MAML3: variants seen among roughly 807,000 people sequenced by gnomAD.
The protein encoded by MAML3 is mastermind-like protein 3.
In MAML3, 27 loss-of-function variants were observed where a neutral mutation model predicts 101.9. The observed-to-expected ratio is 0.27, with a 90% confidence interval of 0.20 to 0.37. The LOEUF is 0.37. Among genes scored for constraint, MAML3 ranks in the 10% least tolerant of loss-of-function variants. The pLI, the probability that MAML3 is intolerant of heterozygous loss-of-function variation, is 1.00. For missense variants in MAML3, 1,316 were observed against 1,444.9 expected (o/e 0.91, Z 1.45); for synonymous variants, 501 against 555.9 (o/e 0.90, Z 1.39).
intron 1 of MAML3, among the ~76,000 whole-genome samples, chr4:139,947,703 T>C (rs1733754068): frequency 6.6e-6 from 1 of 152,182 alleles, no homozygotes; most frequent in Non-Finnish European, 1.5e-5. Context: ...TGGAGCAAGT[T>C]AATCTCTCTA....
intron 1 of MAML3, among the ~76,000 whole-genome samples, chr4:140,056,183 CTGCAGGGGGA>C (rs1727345613): frequency 6.6e-6 from 1 of 152,156 alleles, no homozygotes; most frequent in Non-Finnish European, 1.5e-5. Context: ...ATGGCTCCTG[CTGCAGGGGGA>C]ATTCCCTTTA....
chr4:139,926,442 T>C (rs1733260318), intron 1 of MAML3, among the ~76,000 whole-genome samples: 1 of 151,996 alleles, frequency 6.6e-6, no homozygotes, highest in African/African-American at 2.4e-5. Context: ...CTACTAAAAA[T>C]ACAAAAAATT....
chr4:139,897,234 T>C (rs1234180756), intron 1 of MAML3, among the ~76,000 whole-genome samples: 1 of 152,210 alleles, frequency 6.6e-6, no homozygotes, highest in Non-Finnish European at 1.5e-5. Context: ...CTGCTCCCAA[T>C]GATTCTAAAA....
At chr4:139,882,946 T>C (rs1180067817) in intron 2 of MAML3, among the ~76,000 whole-genome samples, 1 of 152,178 alleles carries the variant, frequency 6.6e-6, no homozygotes, top group Non-Finnish European at 1.5e-5. Flanking sequence ...AAAGACAGTC[T>C]CAAAAATTGG....
intron 1 of MAML3, among the ~76,000 whole-genome samples, chr4:140,056,290 C>T (rs2110930057): frequency 6.6e-6 from 1 of 152,158 alleles, no homozygotes; most frequent in Non-Finnish European, 1.5e-5. Flanking sequence ...GACATCTGTT[C>T]TAAAAAGCAC....
intron 4 of MAML3, among the ~76,000 whole-genome samples, chr4:139,723,119 G>A (rs1421812203): frequency 3.3e-5 from 5 of 152,208 alleles, no homozygotes; most frequent in East Asian, 1.9e-4. Flanking sequence ...ATATGAGTGC[G>A]AAATAATTTG....
intron 2 of MAML3, among the ~76,000 whole-genome samples, chr4:139,774,834 T>C (rs748844331): frequency 1.3e-5 from 2 of 152,222 alleles, no homozygotes; most frequent in Admixed American, 6.5e-5. Flanking sequence ...ATCTCCACAC[T>C]GCAAAGTTGG....
intron 1 of MAML3, among the ~76,000 whole-genome samples, chr4:139,964,850 C>T (rs1446859698): frequency 6.6e-6 from 1 of 152,090 alleles, no homozygotes; most frequent in African/African-American, 2.4e-5. Flanking sequence ...TAGCTAACAA[C>T]CAGCTCTCCA....
At chr4:139,857,609 AAGG>A (rs1339668643) in intron 2 of MAML3, among the ~76,000 whole-genome samples, 1 of 152,190 alleles carries the variant, frequency 6.6e-6, no homozygotes, top group Non-Finnish European at 1.5e-5. Flanking sequence ...CTCCAGTGAC[AAGG>A]ACTTCATTTC....
intron 1 of MAML3, among the ~76,000 whole-genome samples, chr4:139,925,146 AT>A (rs1482513318): frequency 6.6e-6 from 1 of 152,142 alleles, no homozygotes. Flanking sequence ...TTCCTTTTTC[AT>A]TAACCATCCC....
chr4:140,005,736 G>C (rs1726431719), intron 1 of MAML3, among the ~76,000 whole-genome samples: 1 of 152,162 alleles, frequency 6.6e-6, no homozygotes, highest in South Asian at 2.1e-4. Flanking sequence ...AACATTCACA[G>C]GGAGCTAGGC....
At chr4:139,952,360 T>C (rs1269965026) in intron 1 of MAML3, among the ~76,000 whole-genome samples, 1 of 152,020 alleles carries the variant, frequency 6.6e-6, no homozygotes, top group African/African-American at 2.4e-5. Flanking sequence ...TCCAGAGATA[T>C]GCAGTGGGGC....
intron 1 of MAML3, among the ~76,000 whole-genome samples, chr4:140,142,753 T>G (rs1728996779): frequency 6.6e-6 from 1 of 152,180 alleles, no homozygotes; most frequent in South Asian, 2.1e-4. Context: ...CACCTCCAGG[T>G]CTTCCAGCTG....
intron 1 of MAML3, among the ~76,000 whole-genome samples, chr4:140,150,155 A>T (rs1578711008): frequency 1.3e-5 from 2 of 151,894 alleles, no homozygotes; most frequent in East Asian, 3.9e-4. Context: ...AATGACAGAA[A>T]ATTTTATTTT....
chr4:139,992,609 T>C (rs886631117), intron 1 of MAML3, among the ~76,000 whole-genome samples: 28 of 152,210 alleles, frequency 1.8e-4, no homozygotes, highest in Admixed American at 1.8e-3. Context: ...CACTGCAACC[T>C]CTGCCTCCTG....
chr4:140,066,958 C>A (rs1727546673), intron 1 of MAML3, among the ~76,000 whole-genome samples: 1 of 152,224 alleles, frequency 6.6e-6, no homozygotes, highest in African/African-American at 2.4e-5. Flanking sequence ...TATTTTTAAT[C>A]TCAAAGGTTT....
intron 1 of MAML3, among the ~76,000 whole-genome samples, chr4:139,986,652 A>T (rs971043465): frequency 2.7e-5 from 4 of 149,336 alleles, no homozygotes; most frequent in African/African-American, 1.0e-4. Context: ...ACCAATGCCA[A>T]TGAATCATGA....
rs3081944 is a variant in MAML3 at position 140,045,394 on chromosome 4, C to CA, written c.468+107465dup. Among the ~76,000 whole-genome samples the CA allele has an allele frequency of 1.8e-3, 178 of 98,636 alleles. 1 individual carries two copies. Among genetic ancestry groups the CA allele is most frequent in the African/African-American group, 3.7e-3 (90 of 24,078 alleles). 64.7% of individuals were successfully genotyped at this position (98,636 alleles called of 152,430 possible). A position where few individuals can be genotyped will look rare whatever the true frequency, so the allele number is the denominator to read the frequency against. On this transcript the variant is annotated intron_variant, in intron 1 of 4. Coordinates refer to ENST00000509479, the MANE Select transcript of MAML3 (RefSeq NM_018717.5). ...TGGGCGACAGAGCAAGACTCCAACT[C>CA]AAAAAAAAAAAAAAAAAAAGAATCT... is the stretch of plus-strand genomic sequence containing the variant.
chr4:140,144,272 CTCAG>C (rs1729021780), intron 1 of MAML3, among the ~76,000 whole-genome samples: 1 of 152,144 alleles, frequency 6.6e-6, no homozygotes, highest in Admixed American at 6.5e-5. Context: ...TAAGGCCGGG[CTCAG>C]TGGCTTATGC....
Sources: gnomAD v4.1 joint callset for allele counts (sites outside exome capture counted in the v4.1 genomes callset) on GRCh38, gnomAD v4.1.1 for gene constraint, MANE v1.5 for transcripts, NCBI Gene and HGNC (gene_info 2026-07-23, HGNC 2026-07-21) for gene names.